The following KCNIP4 variants were observed in gnomAD, a reference collection of about 807,000 sequenced individuals.
KCNIP4 encodes Kv channel-interacting protein 4.
KCNIP4 carries 12 observed loss-of-function variants against 34.0 expected under a neutral mutation model. The observed-to-expected ratio is 0.35, with a 90% CI of 0.23 to 0.57. KCNIP4 has a LOEUF of 0.57. KCNIP4 is among the 20% of genes least tolerant of loss of function. KCNIP4 has a pLI of 0.83. For synonymous variants in KCNIP4, 124 were observed against 102.2 expected (o/e 1.21, Z -1.29); for missense variants, 238 against 311.7 (o/e 0.76, Z 1.78).
chr4:21,334,647 C>A lies in KCNIP4; in HGVS notation c.62-451938G>T, dbSNP rs2109332462. 1.3e-5 allele frequency among the ~76,000 whole-genome samples: 2 copies of A among 152,174 alleles called. 1 individual carries two copies. The highest frequency in any genetic ancestry group is 3.9e-4 in the East Asian group (2 of 5,172). On this transcript the variant is annotated intron_variant, in intron 1 of 8. Transcript: ENST00000382152. ...ATGTTTTCATTGCCTCAAAAAGATT[C>A]CTCATGCTTACTTACAGTAACAGCC...
intron 1 of KCNIP4, among the ~76,000 whole-genome samples, chr4:21,519,060 C>T (rs1460766679): frequency 1.3e-5 from 2 of 152,106 alleles, no homozygotes; most frequent in African/African-American, 2.4e-5. Flanking sequence ...CCCACGGTCA[C>T]GGTTATCGAC....
chr4:21,590,883 C>A (rs1742154018), intron 1 of KCNIP4, among the ~76,000 whole-genome samples: 1 of 151,828 alleles, frequency 6.6e-6, no homozygotes, highest in African/African-American at 2.4e-5. Context: ...ATAATAGAAA[C>A]AATGTCCAAG....
At chr4:21,067,990 A>G (rs1484161688) in intron 1 of KCNIP4, among the ~76,000 whole-genome samples, 1 of 152,210 alleles carries the variant, frequency 6.6e-6, no homozygotes, top group Admixed American at 6.5e-5. Context: ...AGTATAAATT[A>G]TTTGTTAAAA....
chr4:21,200,540 G>A (rs924004651), intron 1 of KCNIP4, among the ~76,000 whole-genome samples: 1 of 151,814 alleles, frequency 6.6e-6, no homozygotes, highest in Non-Finnish European at 1.5e-5. Context: ...ACTCAGGAAT[G>A]GAAAACCAAT....
intron 2 of KCNIP4, among the ~76,000 whole-genome samples, chr4:20,858,211 CAAAAAAAAAA>C (rs778798968): frequency 1.6e-4 from 11 of 70,708 alleles, no homozygotes; most frequent in Admixed American, 3.7e-4. Flanking sequence ...AACTCCATCT[CAAAAAAAAAA>C]AAAAAAAAAA....
intron 1 of KCNIP4, among the ~76,000 whole-genome samples, chr4:21,603,108 T>G (rs1743333595): frequency 6.6e-6 from 1 of 152,178 alleles, no homozygotes; most frequent in Non-Finnish European, 1.5e-5. Flanking sequence ...TTCTGTTGAT[T>G]TTGCCAAAGA....
In KCNIP4 at chr4:20,831,248, T is replaced by C. The variant is rs142180846; in HGVS notation, c.288+19295A>G. On this transcript the variant is annotated intron_variant, in intron 3 of 8. Coordinates refer to ENST00000382152, the MANE Select transcript of KCNIP4 (RefSeq NM_025221.6). ...TAGACCCCACACCAATACTGTGAAG[T>C]GGATAATAATATCTCCATTTATGCA... 4.3e-3 allele frequency among the ~76,000 whole-genome samples: 659 copies of C among 152,302 alleles called. 2 individuals carry two copies. Among genetic ancestry groups the C allele is most frequent in the African/African-American group, 6.9e-3 (287 of 41,568 alleles).
At chr4:20,760,424 CCTCA>C (rs1754861266) in intron 3 of KCNIP4, among the ~76,000 whole-genome samples, 1 of 152,130 alleles carries the variant, frequency 6.6e-6, no homozygotes, top group Non-Finnish European at 1.5e-5. Context: ...ATCATTGTTC[CCTCA>C]CTAATAAACT....
chr4:21,279,739 G>GA (rs1179996343), intron 1 of KCNIP4, among the ~76,000 whole-genome samples: 2 of 152,010 alleles, frequency 1.3e-5, no homozygotes, highest in East Asian at 3.9e-4. Context: ...TGTTCAGATA[G>GA]AATATCCTTG....
At chr4:20,764,708 A>AC (rs1560447977) in intron 3 of KCNIP4, among the ~76,000 whole-genome samples, 30 of 150,866 alleles carry the variant, frequency 2.0e-4, no homozygotes, top group East Asian at 3.9e-4. Context: ...ACACACACAC[A>AC]ACCCCATGAA....
At chr4:21,065,154 A>AT (rs1392075920) in intron 1 of KCNIP4, among the ~76,000 whole-genome samples, 1 of 151,902 alleles carries the variant, frequency 6.6e-6, no homozygotes, top group East Asian at 1.9e-4. Flanking sequence ...ATGTCAGCTT[A>AT]TTTTTTCTTC....
chr4:21,836,442 C>G (rs1723324506), intron 1 of KCNIP4, among the ~76,000 whole-genome samples: 1 of 152,094 alleles, frequency 6.6e-6, no homozygotes, highest in Non-Finnish European at 1.5e-5. Context: ...CAAGAGATGT[C>G]CTATTTTTTT....
rs534019682 is a variant in KCNIP4, at chr4:21,589,241, T to C, written c.61+359330A>G. ...GTACACATGTATCTATACAGATACA[T>C]ATATACATATATGTATCTATACAGA... On this transcript the variant is annotated intron_variant, in intron 1 of 8. Transcript: ENST00000382152. Among the ~76,000 whole-genome samples, 88 of 104,188 alleles carry C rather than the reference T, an allele frequency of 8.4e-4. 2 individuals are homozygous for C. The highest frequency in any genetic ancestry group is 3.2e-3 in the African/African-American group (82 of 25,972). The allele number at this position is 104,188 out of a possible 152,430, so 68.4% of individuals were successfully genotyped here.
chr4:20,839,149 AGGGAGGTGAC>A (rs1719411689), intron 3 of KCNIP4, among the ~76,000 whole-genome samples: 1 of 151,800 alleles, frequency 6.6e-6, no homozygotes, highest in Non-Finnish European at 1.5e-5. Context: ...AACTTTTTTT[AGGGAGGTGAC>A]TCTCAAATCT....
At chr4:21,742,844 C>T (rs989463513) in intron 1 of KCNIP4, among the ~76,000 whole-genome samples, 1 of 151,914 alleles carries the variant, frequency 6.6e-6, no homozygotes, top group Non-Finnish European at 1.5e-5. Flanking sequence ...ATATTAAGAG[C>T]ATACACATAC....
intron 1 of KCNIP4, among the ~76,000 whole-genome samples, chr4:21,353,955 A>G (rs993848322): frequency 5.9e-5 from 9 of 152,236 alleles, no homozygotes; most frequent in African/African-American, 2.2e-4. Context: ...ATCTCTTGGC[A>G]GAAACCCTAC....
At position 20,738,176 on chromosome 4, in the gene KCNIP4, A is replaced by G. The variant is rs12646295; in HGVS notation, c.430-3441T>C. 2.3e-3 allele frequency among the ~76,000 whole-genome samples: 351 copies of G among 152,246 alleles called. 8 individuals are homozygous for G. The South Asian group carries it at 0.046, about 20-fold the overall frequency. On this transcript the variant is annotated intron_variant, in intron 5 of 8. Coordinates refer to ENST00000382152, the MANE Select transcript of KCNIP4 (RefSeq NM_025221.6). The stretch of plus-strand genomic sequence containing the variant: ...AGCTTTTTCAGAAGGCATAAAATAT[A>G]CATTGCAGAACATAGAGCCTTATTC...
intron 1 of KCNIP4, chr4:21,718,330 T>C (rs1171582511): frequency 2.0e-5 from 3 of 152,258 alleles, no homozygotes; most frequent in African/African-American, 7.2e-5. Flanking sequence ...AGCCAATTTG[T>C]ATTTATGCTT....
intron 1 of KCNIP4, among the ~76,000 whole-genome samples, chr4:21,032,585 C>T (rs1266513070): frequency 1.3e-5 from 2 of 151,980 alleles, no homozygotes; most frequent in African/African-American, 4.8e-5. Flanking sequence ...TTAGAGAGCC[C>T]AGAAAGTCCT....
Sources: gnomAD v4.1 joint callset for allele counts (sites outside exome capture counted in the v4.1 genomes callset) on GRCh38, gnomAD v4.1.1 for gene constraint, MANE v1.5 for transcripts, NCBI Gene and HGNC (gene_info 2026-07-23, HGNC 2026-07-21) for gene names.